OR4E2: variants seen among roughly 807,000 people sequenced by gnomAD.
OR4E2 encodes the protein olfactory receptor family 4 subfamily E member 2.
Under a neutral mutation model 11.0 loss-of-function variants are expected in OR4E2, and 9 were observed. That is an observed-to-expected ratio of 0.82 (90% CI 0.49 to 1.43). OR4E2 has a LOEUF of 1.43. Among genes scored for constraint, OR4E2 ranks in the 40% most tolerant of loss-of-function variants. The probability of loss-of-function intolerance (pLI) is 0.00; values close to 1 mark genes in which losing one functional copy is unlikely to be tolerated. For missense variants in OR4E2, 441 were observed against 382.0 expected (o/e 1.15, Z -1.29); for synonymous variants, 159 against 147.3 (o/e 1.08, Z -0.57).
In OR4E2 at chr14:21,666,020, C is replaced by T; in HGVS notation, c.938C>T (p.Thr313Ile). ...QRQVFFTKSY[T>I] ...CAAGTTTTTTTCACGAAATCATATACATAATGGGCACTGGGATTGCAGACA... is the reference window on the plus strand; with the variant it reads ...CAAGTTTTTTTCACGAAATCATATATATAATGGGCACTGGGATTGCAGACA... Residue 313 changes from threonine to isoleucine, a missense_variant, in exon 4 of 4, where the codon ACA becomes ATA. Coordinates refer to ENST00000641524, the MANE Select transcript of OR4E2 (RefSeq NM_001001912.3). The T allele has an allele frequency of 6.2e-7, 1 of 1,607,324 alleles. No individual in the cohort carries two copies. Among genetic ancestry groups the T allele is most frequent in the Non-Finnish European group, 8.5e-7 (1 of 1,175,092 alleles).
intron 3 of OR4E2, among the ~76,000 whole-genome samples, chr14:21,661,058 G>A (rs12880610): frequency 0.29 from 43,550 of 151,960 alleles, 6,710 homozygotes; most frequent in Non-Finnish European, 0.32. Context: ...GCTTTTCCCT[G>A]TGCATGCTTT....
intron 2 of OR4E2, among the ~76,000 whole-genome samples, chr14:21,657,553 G>GAC (rs1880074228): frequency 1.8e-5 from 2 of 111,876 alleles, no homozygotes; most frequent in Non-Finnish European, 3.6e-5. Flanking sequence ...TTTTCTGTCT[G>GAC]TCTCTCTCTC....
chr14:21,659,722 T>C (rs1880209257), intron 2 of OR4E2, among the ~76,000 whole-genome samples: 1 of 152,246 alleles, frequency 6.6e-6, no homozygotes, highest in Non-Finnish European at 1.5e-5. Flanking sequence ...TTCAAAAATA[T>C]GTATTGAGCA....
At position 21,666,028 on chromosome 14, in the gene OR4E2, G is replaced by T. The variant is rs754866099; in HGVS notation, c.*4G>T. 3.1e-6 allele frequency: 5 copies of T among 1,600,654 alleles called. No individual in the cohort carries two copies. The highest frequency in any genetic ancestry group is 4.3e-6 in the Non-Finnish European group (5 of 1,170,638). On this transcript the variant is annotated 3_prime_UTR_variant, in exon 4 of 4. Coordinates refer to ENST00000641524, the MANE Select transcript of OR4E2 (RefSeq NM_001001912.3). ...TTTCACGAAATCATATACATAATGG[G>T]CACTGGGATTGCAGACATAATTGCA...
Position 21,665,738 on chromosome 14 carries a change from T to C in OR4E2, c.656T>C (p.Met219Thr), listed in dbSNP as rs779954462. Residue 219 changes from methionine (M) to threonine (T), a missense_variant, in exon 4 of 4, where the codon ATG (methionine) becomes ACG (threonine). Transcript: ENST00000641524. ...SCFLAVVTSY[M>T]VILVSLRKHS... Reference sequence around the variant, plus strand: ...TTCTTGGCCGTGGTCACCTCCTATATGGTCATCCTGGTTTCTCTTCGAAAA... The same window carrying C: ...TTCTTGGCCGTGGTCACCTCCTATACGGTCATCCTGGTTTCTCTTCGAAAA... 8 of 1,614,054 alleles carry C rather than the reference T, an allele frequency of 5.0e-6. No homozygotes were observed. The highest frequency in any genetic ancestry group is 1.6e-4 in the Middle Eastern group (1 of 6,084).
intron 3 of OR4E2, among the ~76,000 whole-genome samples, chr14:21,662,137 A>G (rs1039712431): frequency 1.8e-5 from 1 of 54,410 alleles, no homozygotes. Context: ...CTGTGACTTA[A>G]GTATATCTTT....
At position 21,666,692 on chromosome 14, in the gene OR4E2, A is replaced by G. The variant is rs1484498957; in HGVS notation, c.*668A>G. On this transcript the variant is annotated 3_prime_UTR_variant, in exon 4 of 4. Coordinates refer to ENST00000641524, the MANE Select transcript of OR4E2 (RefSeq NM_001001912.3). ...AGTAAAAATTAAAAAGGTAGAAAATACCAAGTGGTTTTTTTTTTTTTTTTC... is the reference window on the plus strand; with the variant it reads ...AGTAAAAATTAAAAAGGTAGAAAATGCCAAGTGGTTTTTTTTTTTTTTTTC... 1 of 146,568 alleles carries G rather than the reference A, an allele frequency of 6.8e-6. No homozygotes were observed. Among genetic ancestry groups the G allele is most frequent in the Non-Finnish European group, 1.5e-5 (1 of 66,418 alleles). The allele number at this position is 146,568 out of a possible 1,614,324, so 9.1% of individuals were successfully genotyped here.
chr14:21,663,124 C>T (rs1482924019), intron 3 of OR4E2, among the ~76,000 whole-genome samples: 1 of 152,138 alleles, frequency 6.6e-6, no homozygotes, highest in African/African-American at 2.4e-5. Flanking sequence ...TTTGCATACC[C>T]ATTGTGTACA....
intron 2 of OR4E2, among the ~76,000 whole-genome samples, chr14:21,657,081 G>A (rs561708964): frequency 1.3e-5 from 2 of 152,324 alleles, no homozygotes; most frequent in South Asian, 4.1e-4. Context: ...GTTGAATGTT[G>A]AAAAGATGAA....
rs577511907 is a variant in OR4E2 at position 21,666,736 on chromosome 14, A to C, written c.*712A>C. On this transcript the variant is annotated 3_prime_UTR_variant, in exon 4 of 4. Coordinates refer to ENST00000641524, the MANE Select transcript of OR4E2 (RefSeq NM_001001912.3). ...TTTTTTCCTAATTACTCTGTCGCCC[A>C]GGCTGGAGTGCAGTGGCGCCATCTT... 41 of 146,386 alleles carry C rather than the reference A, an allele frequency of 2.8e-4. No individual in the cohort carries two copies. The highest frequency in any genetic ancestry group is 1.0e-3 in the African/African-American group (40 of 39,866). 9.1% of individuals were successfully genotyped at this position (146,386 alleles called of 1,614,324 possible).
chr14:21,657,351 TTC>T (rs1334929096), intron 2 of OR4E2, among the ~76,000 whole-genome samples: 3 of 141,652 alleles, frequency 2.1e-5, no homozygotes, highest in Non-Finnish European at 3.1e-5. Context: ...CCTTCCTTCC[TTC>T]CTTCCTTCCT....
In OR4E2 at chr14:21,656,885, G is replaced by A. The variant is rs144757084; in HGVS notation, c.-103+296G>A. ...GATTCCTCAAGATGTCTGGGGTTACGACTTGTCACCTTTAGAGTTTGCCAC... is the reference window on the plus strand; with the variant it reads ...GATTCCTCAAGATGTCTGGGGTTACAACTTGTCACCTTTAGAGTTTGCCAC... On this transcript the variant is annotated intron_variant, in intron 2 of 3. Coordinates refer to ENST00000641524, the MANE Select transcript of OR4E2 (RefSeq NM_001001912.3). Among the ~76,000 whole-genome samples, 154 of 152,266 alleles carry A rather than the reference G, an allele frequency of 1.0e-3. 2 individuals carry two copies. The highest frequency in any genetic ancestry group is 3.6e-3 in the African/African-American group (148 of 41,562).
In OR4E2 at chr14:21,666,750, T is replaced by G. The variant is rs962433778; in HGVS notation, c.*726T>G. On this transcript the variant is annotated 3_prime_UTR_variant, in exon 4 of 4. Coordinates refer to ENST00000641524, the MANE Select transcript of OR4E2 (RefSeq NM_001001912.3). ...CTCTGTCGCCCAGGCTGGAGTGCAG[T>G]GGCGCCATCTTAGCTCACTGCAACT... 2.7e-5 allele frequency: 4 copies of G among 148,794 alleles called. No individual in the cohort carries two copies. Among genetic ancestry groups the G allele is most frequent in the Non-Finnish European group, 5.9e-5 (4 of 67,306 alleles). The allele number at this position is 148,794 out of a possible 1,614,324, so 9.2% of individuals were successfully genotyped here.
intron 2 of OR4E2, among the ~76,000 whole-genome samples, chr14:21,660,161 A>C (rs948226618): frequency 2.0e-5 from 3 of 152,200 alleles, no homozygotes; most frequent in African/African-American, 7.2e-5. Flanking sequence ...TTTCACCTAC[A>C]TCATCAGGCA....
intron 2 of OR4E2, among the ~76,000 whole-genome samples, chr14:21,659,771 G>A (rs924219827): frequency 2.0e-5 from 3 of 152,186 alleles, no homozygotes; most frequent in Admixed American, 2.0e-4. Context: ...TAATTTGGAT[G>A]ATTCATAGAG....
Position 21,665,741 on chromosome 14 carries a change from T to A in OR4E2, c.659T>A (p.Val220Asp). The A allele has an allele frequency of 6.2e-7, 1 of 1,614,128 alleles. No individual in the cohort carries two copies. The highest frequency in any genetic ancestry group is 8.5e-7 in the Non-Finnish European group (1 of 1,180,006). The stretch of plus-strand genomic sequence containing the variant: ...TTGGCCGTGGTCACCTCCTATATGG[T>A]CATCCTGGTTTCTCTTCGAAAACAC... ...CFLAVVTSYM[V>D]ILVSLRKHSA... The change falls in exon 4 of 4, where the codon GTC becomes GAC. Residue 220 changes from valine (V) to aspartate (D), a missense_variant. By Grantham distance (152) the Val-to-Asp change is radical. Transcript: ENST00000641524.
intron 3 of OR4E2, among the ~76,000 whole-genome samples, chr14:21,664,865 G>A (rs1880540219): frequency 6.6e-6 from 1 of 152,200 alleles, no homozygotes; most frequent in Non-Finnish European, 1.5e-5. Context: ...ATTGATTCAT[G>A]TGCCATAGGG....
At chr14:21,659,272 C>T (rs1318751070) in intron 2 of OR4E2, among the ~76,000 whole-genome samples, 1 of 152,138 alleles carries the variant, frequency 6.6e-6, no homozygotes, top group African/African-American at 2.4e-5. Context: ...TGGCCTCAAG[C>T]AATCCTCTTG....
chr14:21,662,921 G>T (rs1051271480), intron 3 of OR4E2, among the ~76,000 whole-genome samples: 6 of 152,074 alleles, frequency 3.9e-5, no homozygotes, highest in African/African-American at 1.4e-4. Flanking sequence ...ATTTCCCAAC[G>T]GTTATAGTTT....
Sources: gnomAD v4.1 joint callset for allele counts (sites outside exome capture counted in the v4.1 genomes callset) on GRCh38, gnomAD v4.1.1 for gene constraint, MANE v1.5 for transcripts, NCBI Gene and HGNC (gene_info 2026-07-23, HGNC 2026-07-21) for gene names.